Variants in SMPD4 observed in about 807,000 individuals in gnomAD.
SMPD4 encodes the protein sphingomyelin phosphodiesterase 4, also known as neutral sphingomyelinase 3.
SMPD4 carries 58 observed loss-of-function variants against 97.8 expected under a neutral mutation model. That is an observed-to-expected ratio of 0.59 (90% CI 0.48 to 0.74). SMPD4 has a LOEUF of 0.74. Among genes scored for constraint, SMPD4 ranks in the 30% least tolerant of loss-of-function variants. The probability of loss-of-function intolerance (pLI) is 0.00; values close to 1 mark genes in which losing one functional copy is unlikely to be tolerated. For missense variants in SMPD4, 853 were observed against 1,080.5 expected, an observed-to-expected ratio of 0.79 and a Z score of 2.95; for synonymous variants, 388 against 450.0, an observed-to-expected ratio of 0.86 and a Z score of 1.74.
At position 130,153,799 on chromosome 2, in the gene SMPD4, T is replaced by G. The variant is rs148380148; in HGVS notation, c.1796A>C (p.Tyr599Ser). Residue 599 changes from tyrosine (Y) to serine (S), a missense_variant, in exon 17 of 20, where the codon TAC becomes TCC. Tyr to Ser is a moderately radical substitution (Grantham distance 144). Coordinates refer to ENST00000680298, the MANE Select transcript of SMPD4 (RefSeq NM_017951.5). ...CATCTCGTCCAGGTCGTTGGCTGTG[T>G]AGGAGCCATTGGTGTCCATGGAGCT... ...GFSSMDTNGS[Y>S]TANDLDEMGQ... 6.2e-7 allele frequency: 1 copy of G among 1,614,000 alleles called. No individual in the cohort carries two copies.
intron 3 of SMPD4, among the ~76,000 whole-genome samples, chr2:130,173,859 T>C (rs1416356539): frequency 6.6e-6 from 1 of 152,088 alleles, no homozygotes; most frequent in East Asian, 1.9e-4. Context: ...GTGGGGTACA[T>C]GGCATACCAA....
intron 14 of SMPD4, 70 bp from the exon 15 acceptor site, chr2:130,155,329 C>T: frequency 6.3e-7 from 1 of 1,579,378 alleles, no homozygotes; most frequent in East Asian, 2.2e-5. Flanking sequence ...CCGGTCCGTG[C>T]CCCTAATGCC....
rs1433136198 is a variant in SMPD4 at position 130,156,036 on chromosome 2, A to C, written c.1288T>G (p.Trp430Gly). The change falls in exon 14 of 20, where the codon TGG (tryptophan) becomes GGG (glycine). Residue 430 changes from tryptophan to glycine, a missense_variant and splice_region_variant. Transcript: ENST00000680298. ...DSQPRCVSEK[W>G]APFVQENLLM... Reference sequence around the variant, plus strand: ...TCTGTGAGAGGAGCTGAGGCTCACCATTTCTCCGACACACACCGGGGCTGG... The same window carrying C: ...TCTGTGAGAGGAGCTGAGGCTCACCCTTTCTCCGACACACACCGGGGCTGG... 14 of 1,611,068 alleles carry C rather than the reference A, an allele frequency of 8.7e-6. No homozygotes were observed. Among genetic ancestry groups the C allele is most frequent in the Non-Finnish European group, 1.1e-5 (13 of 1,179,640 alleles).
chr2:130,179,246 G>A (rs928540219), intron 1 of SMPD4, among the ~76,000 whole-genome samples: 6 of 150,438 alleles, frequency 4.0e-5, no homozygotes, highest in Non-Finnish European at 7.4e-5. Flanking sequence ...TCAGCCTCCC[G>A]AGTAGCTGGG....
In SMPD4 at chr2:130,153,028, C is replaced by T. The variant is rs746192514; in HGVS notation, c.2154+15G>A. 6.2e-7 allele frequency: 1 copy of T among 1,607,500 alleles called. No homozygotes were observed. The highest frequency in any genetic ancestry group is 8.5e-7 in the Non-Finnish European group (1 of 1,177,638). Reference sequence around the variant, plus strand: ...CCTCTCTGAAGACGCCAGGCCAGCCCTCCTGCCCACTCACTCTGTGGTTGA... The same window carrying T: ...CCTCTCTGAAGACGCCAGGCCAGCCTTCCTGCCCACTCACTCTGTGGTTGA... On this transcript the variant is annotated intron_variant, in intron 19 of 19. Transcript: ENST00000680298.
At chr2:130,166,827 A>G (rs1687972740) in intron 9 of SMPD4, among the ~76,000 whole-genome samples, 1 of 152,236 alleles carries the variant, frequency 6.6e-6, no homozygotes, top group African/African-American at 2.4e-5. Context: ...CCCTGAATCA[A>G]TGGAAGGCCT....
At chr2:130,181,300 C>G (rs1001758608) in intron 1 of SMPD4, 208 of 1,412,098 alleles carry the variant, frequency 1.5e-4, no homozygotes, top group Non-Finnish European at 1.8e-4. Context: ...ACCTACCGGA[C>G]CGGGACAGAG....
chr2:130,156,161 C>G (rs1370101948), intron 13 of SMPD4, 26 bp from the exon 14 acceptor site: 3 of 1,584,248 alleles, frequency 1.9e-6, no homozygotes, highest in African/African-American at 2.7e-5. Flanking sequence ...GTGCTAAGGG[C>G]TCCGTGGCTG....
intron 3 of SMPD4, among the ~76,000 whole-genome samples, chr2:130,174,338 T>C (rs546915392): frequency 6.6e-6 from 1 of 152,328 alleles, no homozygotes; most frequent in Non-Finnish European, 1.5e-5. Context: ...TAAACAGTGA[T>C]GGAAACTTCT....
intron 11 of SMPD4, chr2:130,157,948 G>C (rs2104821430): frequency 4.6e-6 from 1 of 217,132 alleles, no homozygotes; most frequent in South Asian, 6.4e-5. Flanking sequence ...GATTAGCCTA[G>C]ACAACATAGG....
In SMPD4 at chr2:130,156,138, G is replaced by A. The variant is rs1262823974; in HGVS notation, c.1189-3C>T. The A allele has an allele frequency of 6.2e-7, 1 of 1,607,780 alleles. No individual in the cohort carries two copies. The highest frequency in any genetic ancestry group is 8.5e-7 in the Non-Finnish European group (1 of 1,177,020). ...TAGCTCAGCCACATCTCCAGGACCT[G>A]TGGGGGAGGTGTGTGCTAAGGGCTC... is the stretch of plus-strand genomic sequence containing the variant. On this transcript the variant is annotated splice_polypyrimidine_tract_variant and splice_region_variant and intron_variant, in intron 13 of 19. Transcript: ENST00000680298.
chr2:130,175,529 C>G (rs567275197), intron 2 of SMPD4, among the ~76,000 whole-genome samples: 24 of 152,150 alleles, frequency 1.6e-4, no homozygotes, highest in African/African-American at 4.8e-4. Flanking sequence ...ACCACTAAAC[C>G]AATGATCTTA....
intron 10 of SMPD4, among the ~76,000 whole-genome samples, chr2:130,162,638 C>T (rs531414590): frequency 1.3e-5 from 2 of 152,288 alleles, no homozygotes; most frequent in East Asian, 3.9e-4. Flanking sequence ...AGGAGGATGA[C>T]CCCAGGAGCC....
At chr2:130,163,431 A>C (rs570402234) in intron 10 of SMPD4, among the ~76,000 whole-genome samples, 16 of 152,350 alleles carry the variant, frequency 1.1e-4, no homozygotes, top group African/African-American at 3.1e-4. Flanking sequence ...CTGGCTGCAG[A>C]CTGTGGCAGA....
chr2:130,177,567 G>A (rs368120102), intron 1 of SMPD4, among the ~76,000 whole-genome samples: 1 of 151,994 alleles, frequency 6.6e-6, no homozygotes, highest in Middle Eastern at 3.4e-3. Flanking sequence ...CATGATGGTG[G>A]GTGCCTATAA....
intron 11 of SMPD4, among the ~76,000 whole-genome samples, chr2:130,160,081 G>A (rs1353690507): frequency 6.6e-6 from 1 of 152,116 alleles, no homozygotes; most frequent in African/African-American, 2.4e-5. Flanking sequence ...TGCTTCTTAA[G>A]GATGTGTCCC....
chr2:130,173,979 AAAC>A (rs903418188), intron 3 of SMPD4, among the ~76,000 whole-genome samples: 77 of 152,006 alleles, frequency 5.1e-4, no homozygotes, highest in African/African-American at 1.4e-3. Context: ...ATTTAAAAAA[AAAC>A]AAACAATGAA....
chr2:130,179,933 G>GT (rs902940556), intron 1 of SMPD4, among the ~76,000 whole-genome samples: 4 of 151,518 alleles, frequency 2.6e-5, no homozygotes, highest in African/African-American at 7.3e-5. Flanking sequence ...GATTACAGAC[G>GT]TGAGTCACCA....
rs192488208 is a variant in SMPD4 at position 130,181,058 on chromosome 2, T to C, written c.-46+472A>G. Among the ~76,000 whole-genome samples the C allele has an allele frequency of 2.5e-4, 38 of 152,302 alleles. No homozygotes were observed. In the East Asian group the frequency reaches 7.4e-3, roughly 29 times the overall value. On this transcript the variant is annotated intron_variant, in intron 1 of 19. Coordinates refer to ENST00000680298, the MANE Select transcript of SMPD4 (RefSeq NM_017951.5). ...TAATCATTCCAAGCAAATTCTGTCA[T>C]GCCAAGACCTCCCTTAACAGCACGC...
Sources: allele counts gnomAD v4.1 joint callset (sites outside exome capture counted in the v4.1 genomes callset), GRCh38; gene constraint gnomAD v4.1.1; transcripts MANE v1.5; gene names NCBI Gene and HGNC (gene_info 2026-07-23, HGNC 2026-07-21).